Variants in ATP10D observed in about 807,000 individuals in gnomAD.
The protein encoded by ATP10D is phospholipid-transporting ATPase VD.
ATP10D carries 89 observed loss-of-function variants against 144.8 expected under a neutral mutation model. That is an observed-to-expected ratio of 0.61 (90% CI 0.52 to 0.73). The LOEUF is 0.73. Among genes scored for constraint, ATP10D ranks in the 30% least tolerant of loss-of-function variants. The pLI is 0.00. For synonymous variants in ATP10D, 571 were observed against 615.1 expected, an observed-to-expected ratio of 0.93 and a Z score of 1.06; for missense variants, 1,603 against 1,714.8, an observed-to-expected ratio of 0.93 and a Z score of 1.15.
At chr4:47,551,423 A>AT (rs1718727862) in intron 10 of ATP10D, among the ~76,000 whole-genome samples, 1 of 152,096 alleles carries the variant, frequency 6.6e-6, no homozygotes, top group Non-Finnish European at 1.5e-5. Context: ...TGAAGTAAAA[A>AT]TTTTCTTGAA....
chr4:47,505,865 G>A (rs1157015926), intron 1 of ATP10D, among the ~76,000 whole-genome samples: 1 of 152,050 alleles, frequency 6.6e-6, no homozygotes, highest in Non-Finnish European at 1.5e-5. Flanking sequence ...TTTTAGACCA[G>A]TGAACTTGTG....
At chr4:47,558,827 G>T (rs1273574485) in intron 12 of ATP10D, 96 bp from the exon 13 acceptor site, 9 of 998,338 alleles carry the variant, frequency 9.0e-6, no homozygotes, top group Admixed American at 2.3e-5. Flanking sequence ...TTTTTTATTT[G>T]TTTTTTTAGT....
chr4:47,509,546 G>A (rs1716202850), intron 1 of ATP10D, among the ~76,000 whole-genome samples: 1 of 152,108 alleles, frequency 6.6e-6, no homozygotes. Context: ...TTTTATTGTG[G>A]TGAGAACACT....
intron 15 of ATP10D, among the ~76,000 whole-genome samples, chr4:47,567,914 G>A (rs867099281): frequency 3.9e-5 from 6 of 152,150 alleles, no homozygotes; most frequent in African/African-American, 1.4e-4. Context: ...GCTCTTTCAC[G>A]AATAAACTAT....
chr4:47,513,551 A>T (rs887897682), intron 2 of ATP10D, among the ~76,000 whole-genome samples: 17 of 152,242 alleles, frequency 1.1e-4, no homozygotes, highest in Admixed American at 1.0e-3. Context: ...GGTGGGTGAG[A>T]TATTCAAAGC....
chr4:47,523,055 G>T lies in ATP10D; in HGVS notation c.529G>T (p.Val177Phe). The change falls in exon 4 of 23, where the codon GTT becomes TTT. Residue 177 changes from valine to phenylalanine, a missense_variant. By Grantham distance (50) the Val-to-Phe change is conservative. Coordinates refer to ENST00000273859, the MANE Select transcript of ATP10D (RefSeq NM_020453.4). Reference protein sequence around the residue: ...YIDRCWKDVTVGDFIRLSCNE... With the variant: ...YIDRCWKDVTFGDFIRLSCNE... ...TGACCGATGCTGGAAAGACGTTACT[G>T]TTGGGGACTTTATTCGCCTCTCCTG... The T allele has an allele frequency of 1.2e-6, 2 of 1,613,558 alleles. No individual in the cohort carries two copies. The highest frequency in any genetic ancestry group is 1.7e-6 in the Non-Finnish European group (2 of 1,179,940).
Position 47,524,724 on chromosome 4 carries a change from A to T in ATP10D, c.691-833A>T, listed in dbSNP as rs144885611. Among the ~76,000 whole-genome samples, 718 of 152,286 alleles carry T rather than the reference A, an allele frequency of 4.7e-3. 5 individuals are homozygous for T. Among genetic ancestry groups the T allele is most frequent in the African/African-American group, 0.017 (687 of 41,542 alleles). On this transcript the variant is annotated intron_variant, in intron 4 of 22. Transcript: ENST00000273859. Reference sequence around the variant, plus strand: ...CTTTCCTCATCTGTTAATTAGACCCAATTATTTTAGTACCTACCTCATGGA... The same window carrying T: ...CTTTCCTCATCTGTTAATTAGACCCTATTATTTTAGTACCTACCTCATGGA...
At chr4:47,562,640 C>T (rs1239329351) in intron 14 of ATP10D, among the ~76,000 whole-genome samples, 1 of 152,070 alleles carries the variant, frequency 6.6e-6, no homozygotes, top group Non-Finnish European at 1.5e-5. Flanking sequence ...TGGAGATTCT[C>T]AAAGAACTGA....
intron 10 of ATP10D, among the ~76,000 whole-genome samples, chr4:47,548,745 G>A (rs1001735917): frequency 1.4e-4 from 22 of 152,100 alleles, no homozygotes; most frequent in Non-Finnish European, 2.6e-4. Context: ...CTAATATATA[G>A]AATAACTAGG....
chr4:47,515,480 G>T lies in ATP10D; in HGVS notation c.295G>T (p.Ala99Ser). ...RNLFEQFHRA[A>S]NLYFLFLVVL... The stretch of plus-strand genomic sequence containing the variant: ...CTTTGTGTGTTTGGGTTGCAGAGCT[G>T]CCAATTTATATTTCCTGTTCCTAGT... Residue 99 changes from alanine (A) to serine (S), a missense_variant, in exon 3 of 23, where the codon GCC becomes TCC. Ala to Ser is a moderately conservative substitution (Grantham distance 99, BLOSUM62 1). Coordinates refer to ENST00000273859, the MANE Select transcript of ATP10D (RefSeq NM_020453.4). 1 of 1,609,486 alleles carries T rather than the reference G, an allele frequency of 6.2e-7. No individual in the cohort carries two copies. The highest frequency in any genetic ancestry group is 8.5e-7 in the Non-Finnish European group (1 of 1,177,634).
At chr4:47,582,602 ATCC>A (rs1720576126) in intron 21 of ATP10D, among the ~76,000 whole-genome samples, 1 of 152,060 alleles carries the variant, frequency 6.6e-6, no homozygotes, top group Non-Finnish European at 1.5e-5. Flanking sequence ...GAACCACCTT[ATCC>A]CTCTTTCAGT....
At chr4:47,579,965 T>C (rs1720426163) in intron 19 of ATP10D, among the ~76,000 whole-genome samples, 1 of 152,118 alleles carries the variant, frequency 6.6e-6, no homozygotes, top group African/African-American at 2.4e-5. Flanking sequence ...GGATTGAGAA[T>C]AGGGGAGGAA....
At position 47,587,122 on chromosome 4, in the gene ATP10D, C is replaced by T. The variant is rs756372515; in HGVS notation, c.3857C>T (p.Pro1286Leu). The T allele has an allele frequency of 3.1e-6, 5 of 1,613,958 alleles. No individual in the cohort carries two copies. The highest frequency in any genetic ancestry group is 4.5e-5 in the East Asian group (2 of 44,884). The change falls in exon 22 of 23, where the codon CCT (proline) becomes CTT (leucine). Residue 1286 changes from proline (P) to leucine (L), a missense_variant. Coordinates refer to ENST00000273859, the MANE Select transcript of ATP10D (RefSeq NM_020453.4). The part of the protein sequence containing the change: ...MCVTCNPPSN[P>L]YWIMQEHMLD... ...GTAACTTGCAACCCACCATCCAACC[C>T]TTACTGGATTATGCAGGAGCACATG...
intron 5 of ATP10D, 26 bp from the exon 6 acceptor site, chr4:47,535,483 G>A (rs1717793621): frequency 6.4e-7 from 1 of 1,572,826 alleles, no homozygotes; most frequent in Admixed American, 1.9e-5. Flanking sequence ...GTTTAAAAGT[G>A]AATTTATATG....
rs1413134658 is a variant in ATP10D, at chr4:47,592,836, TTTC to T, written c.*1458_*1460del. 1.3e-5 allele frequency: 2 copies of T among 152,600 alleles called. No individual in the cohort carries two copies. Among genetic ancestry groups the T allele is most frequent in the Non-Finnish European group, 2.9e-5 (2 of 68,010 alleles). 9.5% of individuals were successfully genotyped at this position (152,600 alleles called of 1,614,324 possible). On this transcript the variant is annotated 3_prime_UTR_variant, in exon 23 of 23. Coordinates refer to ENST00000273859, the MANE Select transcript of ATP10D (RefSeq NM_020453.4). ...ATAGCTAATGGAAGTTGCTTTCTGC[TTTC>T]TTATGACTGTTTTTATAAATAAACT... is the stretch of plus-strand genomic sequence containing the variant.
chr4:47,572,306 C>T, intron 17 of ATP10D, 76 bp downstream of exon 17: 1 of 1,348,394 alleles, frequency 7.4e-7, no homozygotes, highest in African/African-American at 1.4e-5. Flanking sequence ...ATGGTAAATT[C>T]TCTGTGGCAG....
chr4:47,553,114 A>G (rs542422385), intron 10 of ATP10D, among the ~76,000 whole-genome samples: 1 of 152,296 alleles, frequency 6.6e-6, no homozygotes, highest in African/African-American at 2.4e-5. Context: ...CCATGCAACA[A>G]ATTTCCCAGG....
intron 5 of ATP10D, among the ~76,000 whole-genome samples, chr4:47,528,009 G>A (rs1420580559): frequency 3.3e-5 from 5 of 152,044 alleles, no homozygotes; most frequent in African/African-American, 4.8e-5. Flanking sequence ...ACAGATAAAT[G>A]GATAAACAAC....
rs1450090755 is a variant in ATP10D at position 47,592,015 on chromosome 4, G to C, written c.*634G>C. 2 of 152,110 alleles carry C rather than the reference G, an allele frequency of 1.3e-5. No individual in the cohort carries two copies. The highest frequency in any genetic ancestry group is 2.4e-5 in the African/African-American group (1 of 41,404). The allele number at this position is 152,110 out of a possible 1,614,324, so 9.4% of individuals were successfully genotyped here. A position where few individuals can be genotyped will look rare whatever the true frequency, so the allele number is the denominator to read the frequency against. On this transcript the variant is annotated 3_prime_UTR_variant, in exon 23 of 23. Transcript: ENST00000273859. The stretch of plus-strand genomic sequence containing the variant: ...AGGCATACCTCTCACTCATTTCAAT[G>C]TTTTCCTGAGGTGGAGCCTTCATTG...
Sources: gnomAD v4.1 joint callset for allele counts (sites outside exome capture counted in the v4.1 genomes callset) on GRCh38, gnomAD v4.1.1 for gene constraint, MANE v1.5 for transcripts, NCBI Gene and HGNC (gene_info 2026-07-23, HGNC 2026-07-21) for gene names.